The following CNTN4 variants were observed in gnomAD, a reference collection of about 807,000 sequenced individuals.
CNTN4 encodes the protein contactin 4.
Under a neutral mutation model 122.5 loss-of-function variants are expected in CNTN4, and 77 were observed. The observed-to-expected ratio is 0.63, with a 90% CI of 0.52 to 0.76. The LOEUF is 0.76. Among genes scored for constraint, CNTN4 ranks in the 30% least tolerant of loss-of-function variants. The probability of loss-of-function intolerance (pLI) is 0.00; values close to 1 mark genes in which losing one functional copy is unlikely to be tolerated. For synonymous variants in CNTN4, 512 were observed against 447.0 expected (o/e 1.15, Z -1.83); for missense variants, 1,256 against 1,259.1 (o/e 1.00, Z 0.04).
intron 2 of CNTN4, among the ~76,000 whole-genome samples, chr3:2,222,714 C>A (rs2149497461): frequency 6.6e-6 from 1 of 152,092 alleles, no homozygotes; most frequent in East Asian, 1.9e-4. Context: ...CAGATTCAGG[C>A]TCCCTAGTAA....
chr3:2,803,809 C>T (rs557093335), intron 6 of CNTN4, among the ~76,000 whole-genome samples: 1 of 152,126 alleles, frequency 6.6e-6, no homozygotes, highest in African/African-American at 2.4e-5. Flanking sequence ...GATCCACCTG[C>T]CTTGGCCTCC....
chr3:2,352,482 CAG>C lies in CNTN4; in HGVS notation c.-89+13252_-89+13253del, dbSNP rs2044670587. ...GTGCAGGCTCCACGGGCCCCACACT[CAG>C]AGTGGCAGGCCGGCACAGCCAGCCC... On this transcript the variant is annotated intron_variant, in intron 3 of 24. Transcript: ENST00000418658. Among the ~76,000 whole-genome samples, 6 of 152,204 alleles carry C rather than the reference CAG, an allele frequency of 3.9e-5. No individual in the cohort carries two copies. In the South Asian group the frequency reaches 1.0e-3, roughly 26 times the overall value.
intron 2 of CNTN4, among the ~76,000 whole-genome samples, chr3:2,258,855 C>T (rs974996476): frequency 3.9e-5 from 6 of 151,992 alleles, no homozygotes; most frequent in Non-Finnish European, 8.8e-5. Flanking sequence ...TTTATGAGGG[C>T]AGAAAACTTT....
chr3:2,689,867 A>G (rs1480617225), intron 4 of CNTN4, among the ~76,000 whole-genome samples: 1 of 152,052 alleles, frequency 6.6e-6, no homozygotes, highest in Non-Finnish European at 1.5e-5. Context: ...TTACCGGTTC[A>G]CTGTTTCACA....
chr3:3,010,542 T>C (rs978346505), intron 14 of CNTN4, among the ~76,000 whole-genome samples: 7 of 152,036 alleles, frequency 4.6e-5, no homozygotes, highest in Non-Finnish European at 8.8e-5. Flanking sequence ...AAAGGATCAT[T>C]GTGACGAAGA....
At chr3:2,253,558 CAG>C (rs1332617729) in intron 2 of CNTN4, among the ~76,000 whole-genome samples, 2 of 152,158 alleles carry the variant, frequency 1.3e-5, no homozygotes, top group African/African-American at 2.4e-5. Flanking sequence ...TTTCTTGAAA[CAG>C]AATATAAGTT....
At chr3:2,833,639 A>T (rs890922750) in intron 7 of CNTN4, among the ~76,000 whole-genome samples, 1 of 151,882 alleles carries the variant, frequency 6.6e-6, no homozygotes, top group Non-Finnish European at 1.5e-5. Context: ...TTAAAGAAGA[A>T]AGGATGTTTA....
Position 3,026,210 on chromosome 3 carries a change from C to T in CNTN4, c.1595C>T (p.Thr532Ile). 6.2e-7 allele frequency: 1 copy of T among 1,613,536 alleles called. No homozygotes were observed. Residue 532 changes from threonine to isoleucine, a missense_variant, in exon 15 of 25, where the codon ACT (threonine) becomes ATT (isoleucine). Coordinates refer to ENST00000418658, the MANE Select transcript of CNTN4 (RefSeq NM_175607.3). Reference sequence around the variant, plus strand: ...GATCACTCGCTAGACATCGTGTTTACTTGGTCATTTAATGGACACCTGATA... The same window carrying T: ...GATCACTCGCTAGACATCGTGTTTATTTGGTCATTTAATGGACACCTGATA... ...THDHSLDIVF[T>I]WSFNGHLIDF...
chr3:2,129,744 G>A (rs1285670929), intron 2 of CNTN4, among the ~76,000 whole-genome samples: 2 of 151,386 alleles, frequency 1.3e-5, no homozygotes. Flanking sequence ...AACCTTTCTG[G>A]CTTTCCTGTA....
At chr3:2,814,790 G>A (rs529296257) in intron 6 of CNTN4, among the ~76,000 whole-genome samples, 2 of 152,322 alleles carry the variant, frequency 1.3e-5, no homozygotes, top group South Asian at 4.2e-4. Context: ...GGCACGTGAA[G>A]AAGGTGCTGC....
intron 13 of CNTN4, among the ~76,000 whole-genome samples, chr3:2,931,790 A>C (rs2094522762): frequency 6.6e-6 from 1 of 151,878 alleles, no homozygotes; most frequent in Non-Finnish European, 1.5e-5. Flanking sequence ...CACCATGCCT[A>C]GCTAATTTGT....
chr3:2,163,822 T>C (rs2036066637), intron 2 of CNTN4, among the ~76,000 whole-genome samples: 1 of 152,128 alleles, frequency 6.6e-6, no homozygotes, highest in Admixed American at 6.5e-5. Flanking sequence ...TCAAAATGAC[T>C]GTTATTAAAA....
At chr3:2,849,530 A>C (rs982711152) in intron 7 of CNTN4, among the ~76,000 whole-genome samples, 4 of 152,246 alleles carry the variant, frequency 2.6e-5, no homozygotes, top group African/African-American at 4.8e-5. Context: ...AGCTTGCCTT[A>C]GTGAGTCATT....
At chr3:2,518,864 G>T (rs1378934156) in intron 3 of CNTN4, among the ~76,000 whole-genome samples, 3 of 152,050 alleles carry the variant, frequency 2.0e-5, no homozygotes, top group Non-Finnish European at 2.9e-5. Flanking sequence ...AAATCATACA[G>T]ATTTTTCACA....
At chr3:2,967,144 G>A (rs766866717) in intron 13 of CNTN4, among the ~76,000 whole-genome samples, 1 of 152,112 alleles carries the variant, frequency 6.6e-6, no homozygotes, top group Admixed American at 6.6e-5. Context: ...TGGGGAGCAG[G>A]GGGCAGTGAG....
intron 13 of CNTN4, among the ~76,000 whole-genome samples, chr3:2,933,371 G>A (rs943679768): frequency 6.6e-6 from 1 of 152,074 alleles, no homozygotes; most frequent in African/African-American, 2.4e-5. Context: ...AAGATTTAGG[G>A]GCTCACAAGG....
At chr3:2,833,459 TGTAATTG>T (rs58115247) in intron 7 of CNTN4, among the ~76,000 whole-genome samples, 69,366 of 151,432 alleles carry the variant, frequency 0.46, 18,106 homozygotes, top group East Asian at 0.8. Flanking sequence ...ATGTAATCAA[TGTAATTG>T]GTAAAGACAG....
chr3:2,820,220 C>G (rs2092831898), intron 7 of CNTN4, among the ~76,000 whole-genome samples: 1 of 152,270 alleles, frequency 6.6e-6, no homozygotes, highest in East Asian at 1.9e-4. Flanking sequence ...AAGTGGGACT[C>G]CCATAACTCC....
At chr3:2,966,892 A>G (rs79532294) in intron 13 of CNTN4, among the ~76,000 whole-genome samples, 12 of 152,326 alleles carry the variant, frequency 7.9e-5, no homozygotes, top group Admixed American at 2.0e-4. Context: ...AGCTTTGACT[A>G]TATTGACTGG....
Sources: gnomAD v4.1 joint callset for allele counts (sites outside exome capture counted in the v4.1 genomes callset) on GRCh38, gnomAD v4.1.1 for gene constraint, MANE v1.5 for transcripts, NCBI Gene and HGNC (gene_info 2026-07-23, HGNC 2026-07-21) for gene names.